The following RPSA2 variants were observed in gnomAD, a reference collection of about 807,000 sequenced individuals.
The protein encoded by RPSA2 is small ribosomal subunit protein uS2B.
chr19:23,795,761 A>C, the RPSA2 span, among the ~76,000 whole-genome samples: 8 of 152,124 alleles, frequency 5.3e-5, no homozygotes, highest in Admixed American at 6.6e-5. Context: ...TTTGAGGATG[A>C]ATGCTTCAAG....
the RPSA2 span, among the ~76,000 whole-genome samples, chr19:23,778,820 T>G: frequency 6.6e-6 from 1 of 152,004 alleles, no homozygotes; most frequent in Non-Finnish European, 1.5e-5. Flanking sequence ...TTCATTTGCC[T>G]GGGCCGATCA....
chr19:23,761,683 G>A, the RPSA2 span, among the ~76,000 whole-genome samples: 1 of 151,750 alleles, frequency 6.6e-6, no homozygotes, highest in East Asian at 2.0e-4. Context: ...TACCTCCAGG[G>A]TCTAAACTAG....
At chr19:23,774,155 C>T in the RPSA2 span, among the ~76,000 whole-genome samples, 6 of 152,212 alleles carry the variant, frequency 3.9e-5, no homozygotes, top group Non-Finnish European at 7.3e-5. Context: ...TCCTCCTTTG[C>T]CTTGGCACTG....
the RPSA2 span, among the ~76,000 whole-genome samples, chr19:23,812,876 A>T: frequency 6.6e-6 from 1 of 152,158 alleles, no homozygotes; most frequent in Non-Finnish European, 1.5e-5. Context: ...TCAGTTTTTT[A>T]AAAAGTAACT....
chr19:23,863,071 A>C, the RPSA2 span, among the ~76,000 whole-genome samples: 1 of 152,238 alleles, frequency 6.6e-6, no homozygotes, highest in South Asian at 2.1e-4. Flanking sequence ...TTAGATCTTA[A>C]GACTTCTGCT....
chr19:23,832,607 A>G, the RPSA2 span: 1 of 1,350,546 alleles, frequency 7.4e-7, no homozygotes, highest in Admixed American at 2.2e-5. Context: ...TACTACACAT[A>G]AGGTAATTCA....
At chr19:23,849,585 C>T in the RPSA2 span, among the ~76,000 whole-genome samples, 2 of 152,088 alleles carry the variant, frequency 1.3e-5, no homozygotes, top group Non-Finnish European at 2.9e-5. Context: ...TCATACGAGG[C>T]CTCAGGTGGG....
the RPSA2 span, among the ~76,000 whole-genome samples, chr19:23,821,617 G>A: frequency 1.3e-5 from 2 of 152,140 alleles, no homozygotes; most frequent in African/African-American, 2.4e-5. Context: ...TCGGCATCTG[G>A]CTCCCTCAGG....
At chr19:23,800,577 C>T in the RPSA2 span, among the ~76,000 whole-genome samples, 1 of 151,278 alleles carries the variant, frequency 6.6e-6, no homozygotes, top group South Asian at 2.1e-4. Flanking sequence ...TAGTCCTCCA[C>T]AGTCACTTCT....
the RPSA2 span, among the ~76,000 whole-genome samples, chr19:23,800,149 C>A: frequency 6.6e-6 from 1 of 151,254 alleles, no homozygotes; most frequent in Non-Finnish European, 1.5e-5. Context: ...CTGCCTCAGC[C>A]TCCCAAGTAG....
the RPSA2 span, among the ~76,000 whole-genome samples, chr19:23,834,073 T>C: frequency 5.9e-5 from 9 of 152,080 alleles, no homozygotes; most frequent in African/African-American, 2.2e-4. Context: ...TATGTAAATA[T>C]CAGAATAATC....
chr19:23,848,680 C>CT, the RPSA2 span, among the ~76,000 whole-genome samples: 1 of 149,884 alleles, frequency 6.7e-6, no homozygotes, highest in Non-Finnish European at 1.5e-5. Context: ...AGAAGTATTC[C>CT]AATTGTACTG....
chr19:23,850,776 G>T, the RPSA2 span, among the ~76,000 whole-genome samples: 17 of 152,190 alleles, frequency 1.1e-4, no homozygotes, highest in East Asian at 3.1e-3. Flanking sequence ...GCTTTCAGCT[G>T]CAGTCAGAGT....
chr19:23,867,569 G>A, the RPSA2 span, among the ~76,000 whole-genome samples: 7 of 152,144 alleles, frequency 4.6e-5, no homozygotes, highest in African/African-American at 1.2e-4. Flanking sequence ...GGTGGCTCAC[G>A]CCTGTAATCC....
chr19:23,863,371 C>T, the RPSA2 span, among the ~76,000 whole-genome samples: 1 of 152,072 alleles, frequency 6.6e-6, no homozygotes. Context: ...CAAGACCAGC[C>T]TGGCCAACAT....
the RPSA2 span, among the ~76,000 whole-genome samples, chr19:23,776,191 G>A: frequency 2.6e-5 from 4 of 152,184 alleles, no homozygotes; most frequent in Non-Finnish European, 5.9e-5. Flanking sequence ...CTTCCTGCAC[G>A]TGTGACTGTG....
the RPSA2 span, chr19:23,758,900 C>G: frequency 2.1e-5 from 22 of 1,047,092 alleles, no homozygotes; most frequent in Admixed American, 4.6e-4. Flanking sequence ...ACAAAGGCCC[C>G]GCCAATCCCG....
At chr19:23,805,829 G>A in the RPSA2 span, among the ~76,000 whole-genome samples, 148,839 of 152,160 alleles carry the variant, frequency 0.98, 72,890 homozygotes, top group Middle Eastern at 1. Flanking sequence ...ATAAATGCTT[G>A]TGATAGTCAA....
the RPSA2 span, chr19:23,781,975 A>G: frequency 6.5e-6 from 1 of 154,814 alleles, no homozygotes; most frequent in Admixed American, 6.5e-5. Flanking sequence ...TGTTGCACCC[A>G]GGTGGTTTGA....
Sources: allele counts gnomAD v4.1 joint callset (sites outside exome capture counted in the v4.1 genomes callset), GRCh38; gene constraint gnomAD v4.1.1; transcripts MANE v1.5; gene names NCBI Gene and HGNC (gene_info 2026-07-23, HGNC 2026-07-21).